SUMF1: variants seen among roughly 807,000 people sequenced by gnomAD.
The protein encoded by SUMF1 is formylglycine-generating enzyme.
A neutral mutation model predicts 47.6 loss-of-function variants in SUMF1; 48 were observed. The observed-to-expected ratio is 1.01, with a 90% CI of 0.80 to 1.28. The LOEUF is 1.28. Among genes scored for constraint, SUMF1 ranks in the 50% most tolerant of loss-of-function variants. The pLI is 0.00. For missense variants in SUMF1, 571 were observed against 485.4 expected (o/e 1.18, Z -1.66); for synonymous variants, 230 against 192.1 (o/e 1.20, Z -1.63).
rs35648890 is a variant in SUMF1, at chr3:4,326,522, G to GTT, written c.1014+49806_1014+49807dup. The stretch of plus-strand genomic sequence containing the variant: ...ATGTACAAGGCCAGTTTTTCCAAGG[G>GTT]TTTTTTTTTTTTTGAGATAGATCCT... On this transcript the variant is annotated intron_variant and NMD_transcript_variant, in intron 8 of 12. Coordinates refer to the SUMF1 transcript ENST00000448413. Among the ~76,000 whole-genome samples the GTT allele has an allele frequency of 1.2e-3, 156 of 128,670 alleles. 6 individuals carry two copies. Among genetic ancestry groups the GTT allele is most frequent in the African/African-American group, 4.0e-3 (120 of 29,636 alleles). The allele number at this position is 128,670 out of a possible 152,430, so 84.4% of individuals were successfully genotyped here. A position where few individuals can be genotyped will look rare whatever the true frequency, so the allele number is the denominator to read the frequency against.
intron 8 of SUMF1, among the ~76,000 whole-genome samples, chr3:4,087,033 T>G (rs1692686575): frequency 6.6e-6 from 1 of 152,150 alleles, no homozygotes; most frequent in South Asian, 2.1e-4. Context: ...CTATCATCAT[T>G]TTAACTTCCC....
rs746676394 is a variant in SUMF1 at position 4,313,410 on chromosome 3, T to C, written c.1014+62920A>G. ...TAGGAAATATTGGAAGATTCCTTAA[T>C]CATTCTTGTGAGCCAAACCTTTTGA... On this transcript the variant is annotated intron_variant and NMD_transcript_variant, in intron 8 of 12. Coordinates refer to the SUMF1 transcript ENST00000448413. The C allele has an allele frequency of 1.5e-5, 24 of 1,613,894 alleles. No homozygotes were observed. The East Asian group carries it at 5.1e-4, about 34-fold the overall frequency.
At chr3:4,053,869 C>T (rs1261431598) in intron 9 of SUMF1, among the ~76,000 whole-genome samples, 1 of 152,050 alleles carries the variant, frequency 6.6e-6, no homozygotes, top group Non-Finnish European at 1.5e-5. Flanking sequence ...TATGGATAAA[C>T]TTAGAAAATG....
At chr3:4,287,971 C>T (rs6795481) in intron 8 of SUMF1, among the ~76,000 whole-genome samples, 49,230 of 152,120 alleles carry the variant, frequency 0.32, 9,152 homozygotes, top group Non-Finnish European at 0.43. Context: ...CCATACTTCT[C>T]TTCTGCTCAT....
At chr3:4,272,904 T>C (rs1697331397) in intron 8 of SUMF1, among the ~76,000 whole-genome samples, 1 of 151,770 alleles carries the variant, frequency 6.6e-6, no homozygotes, top group African/African-American at 2.4e-5. Context: ...CCAGACAGCA[T>C]CTCTACAGAA....
chr3:4,096,235 G>A (rs1184772254), intron 8 of SUMF1, among the ~76,000 whole-genome samples: 6 of 152,106 alleles, frequency 3.9e-5, no homozygotes, highest in African/African-American at 4.8e-5. Flanking sequence ...AACTCAGTCG[G>A]TCATCATGCC....
Position 4,417,258 on chromosome 3 carries a change from C to A in SUMF1, c.726-16G>T, listed in dbSNP as rs999626972. The A allele has an allele frequency of 1.7e-5, 27 of 1,610,536 alleles. No individual in the cohort carries two copies. The highest frequency in any genetic ancestry group is 2.2e-5 in the Non-Finnish European group (26 of 1,176,888). ...GGGGAAAAGTCTGTCAGAAGAGACA[C>A]AGGCATCAGCCTGTCAAACAGGCAC... On this transcript the variant is annotated splice_polypyrimidine_tract_variant and intron_variant, in intron 5 of 8. Coordinates refer to ENST00000272902, the MANE Select transcript of SUMF1 (RefSeq NM_182760.4).
intron 8 of SUMF1, among the ~76,000 whole-genome samples, chr3:4,369,315 T>C (rs1700096173): frequency 6.6e-6 from 1 of 152,174 alleles, no homozygotes; most frequent in East Asian, 1.9e-4. Context: ...ATTGATAAAT[T>C]GATGGCATCT....
rs115954436 is a variant in SUMF1, at chr3:4,335,601, G to C, written c.1014+40729C>G. ...GGGCGAGGTCAGGGACCTCTGAAGG[G>C]AGAAGCTCCCAGACCTCAGCAAATC... On this transcript the variant is annotated intron_variant and NMD_transcript_variant, in intron 8 of 12. Coordinates refer to the SUMF1 transcript ENST00000448413. Among the ~76,000 whole-genome samples, 686 of 152,210 alleles carry C rather than the reference G, an allele frequency of 4.5e-3. 6 individuals are homozygous for C. The highest frequency in any genetic ancestry group is 0.016 in the African/African-American group (661 of 41,524).
chr3:4,442,413 G>A (rs1197056542), intron 3 of SUMF1, among the ~76,000 whole-genome samples: 2 of 63,044 alleles, frequency 3.2e-5, no homozygotes, highest in African/African-American at 3.6e-5. Context: ...CCAACACCAC[G>A]CCCGGCTAAT....
intron 8 of SUMF1, among the ~76,000 whole-genome samples, chr3:4,347,027 T>C (rs1699387830): frequency 1.3e-5 from 2 of 152,130 alleles, no homozygotes; most frequent in Non-Finnish European, 2.9e-5. Context: ...GCTCTGAAAT[T>C]GAGGCAGTAA....
chr3:4,360,617 G>A (rs1190048073), downstream of SUMF1, among the ~76,000 whole-genome samples: 1 of 152,096 alleles, frequency 6.6e-6, no homozygotes, highest in African/African-American at 2.4e-5. Context: ...ACAGGTGTGA[G>A]CCACTGGGCC....
At chr3:4,364,446 G>C in intron 8 of SUMF1, among the ~76,000 whole-genome samples, 1 of 145,326 alleles carries the variant, frequency 6.9e-6, no homozygotes, top group Non-Finnish European at 1.5e-5. Context: ...TCCTGGTTTA[G>C]TCTTGGGAGA....
chr3:4,168,265 T>G (rs1367141394), intron 8 of SUMF1, among the ~76,000 whole-genome samples: 1 of 152,198 alleles, frequency 6.6e-6, no homozygotes, highest in African/African-American at 2.4e-5. Flanking sequence ...TATTACTGAC[T>G]CAACCTGCCC....
intron 8 of SUMF1, among the ~76,000 whole-genome samples, chr3:4,202,902 T>C (rs1960920): frequency 0.34 from 51,957 of 151,850 alleles, 9,423 homozygotes; most frequent in Middle Eastern, 0.43. Flanking sequence ...CCTCTTCCTA[T>C]TGATTTCTAG....
chr3:4,393,122 C>T (rs1247321885), intron 7 of SUMF1, among the ~76,000 whole-genome samples: 1 of 152,142 alleles, frequency 6.6e-6, no homozygotes, highest in Non-Finnish European at 1.5e-5. Flanking sequence ...TGCGCGATCT[C>T]CCTGTTAAAT....
intron 8 of SUMF1, among the ~76,000 whole-genome samples, chr3:4,069,826 G>T (rs1179682767): frequency 6.6e-6 from 1 of 152,038 alleles, no homozygotes; most frequent in African/African-American, 2.4e-5. Flanking sequence ...ATATTTTCTT[G>T]CCACACTTTG....
At chr3:4,219,535 C>A (rs188922027) in intron 8 of SUMF1, among the ~76,000 whole-genome samples, 26 of 152,286 alleles carry the variant, frequency 1.7e-4, no homozygotes, top group Admixed American at 1.1e-3. Context: ...CAAAGTCTCC[C>A]ACAGTCATGG....
chr3:4,059,945 C>G (rs945097677), intron 9 of SUMF1, among the ~76,000 whole-genome samples: 5 of 151,958 alleles, frequency 3.3e-5, no homozygotes, highest in African/African-American at 1.2e-4. Context: ...CAAGAGGGAC[C>G]ACACAATACA....
Sources: allele counts gnomAD v4.1 joint callset (sites outside exome capture counted in the v4.1 genomes callset), GRCh38; gene constraint gnomAD v4.1.1; transcripts MANE v1.5; gene names NCBI Gene and HGNC (gene_info 2026-07-23, HGNC 2026-07-21).